CCDC85C: variants seen among roughly 807,000 people sequenced by gnomAD.
CCDC85C encodes coiled-coil domain-containing protein 85C.
In CCDC85C, 18 loss-of-function variants were observed where a neutral mutation model predicts 38.3. The ratio of observed to expected loss-of-function variants is 0.47; its 90% CI spans 0.33 to 0.70. The LOEUF is 0.70. Ranked by LOEUF, CCDC85C falls within the 30% of genes least tolerant of loss-of-function variation. The pLI is 0.03. For synonymous variants in CCDC85C, 264 were observed against 293.8 expected (o/e 0.90, Z 1.04); for missense variants, 566 against 621.2 (o/e 0.91, Z 0.94).
At chr14:99,571,493 G>A (rs962681552) in intron 1 of CCDC85C, among the ~76,000 whole-genome samples, 11 of 152,224 alleles carry the variant, frequency 7.2e-5, no homozygotes, top group East Asian at 1.9e-4. Flanking sequence ...AGGCTGAGAC[G>A]CAGACCAAAG....
Position 99,603,365 on chromosome 14 carries a change from C to T in CCDC85C, c.595G>A (p.Ala199Thr). Residue 199 changes from alanine (A) to threonine (T), a missense_variant, in exon 1 of 6, where the codon GCC (alanine) becomes ACC (threonine). By Grantham distance (58) the Ala-to-Thr change is moderately conservative (BLOSUM62 0). Transcript: ENST00000380243. The surrounding 1 kb of genome is among the most constrained non-coding windows in gnomAD (Gnocchi z 7.5). The part of the protein sequence containing the change: ...PLSGGAPGAG[A>T]RDVGDGSSTS... ...CTGCTGCCGTCGCCCACGTCGCGGG[C>T]CCCCGCGCCGGGCGCGCCACCCGAC... is the stretch of plus-strand genomic sequence containing the variant. The T allele has an allele frequency of 1.6e-6, 2 of 1,260,950 alleles. No individual in the cohort carries two copies. The highest frequency in any genetic ancestry group is 3.2e-5 in the East Asian group (1 of 30,984). 78.1% of individuals were successfully genotyped at this position (1,260,950 alleles called of 1,614,324 possible).
intron 1 of CCDC85C, among the ~76,000 whole-genome samples, chr14:99,600,745 C>A (rs2055189916): frequency 6.6e-6 from 1 of 152,246 alleles, no homozygotes; most frequent in African/African-American, 2.4e-5. Context: ...AAAGACCAAA[C>A]ACATAAGGCG....
chr14:99,525,576 TTA>T (rs1310496509), intron 2 of CCDC85C, among the ~76,000 whole-genome samples: 1 of 152,240 alleles, frequency 6.6e-6, no homozygotes, highest in Non-Finnish European at 1.5e-5. Flanking sequence ...GCTGCATCGG[TTA>T]TGTGTCCGAG....
chr14:99,557,438 G>A (rs906089555), intron 1 of CCDC85C, among the ~76,000 whole-genome samples: 1 of 152,196 alleles, frequency 6.6e-6, no homozygotes, highest in Non-Finnish European at 1.5e-5. Context: ...CTGGACAGGT[G>A]AGCTCACCCA....
chr14:99,545,067 C>A lies in CCDC85C; in HGVS notation c.794-8979G>T, dbSNP rs896248003. On this transcript the variant is annotated intron_variant, in intron 1 of 5. Transcript: ENST00000380243. The surrounding 1 kb of genome is among the most constrained non-coding windows in gnomAD (Gnocchi z 4.7). ...AGTAGCTAGAGAAGAGGAAAACGAA[C>A]GGCTGCCCTAATGAGAATGAAATCT... Among the ~76,000 whole-genome samples, 2 of 152,216 alleles carry A rather than the reference C, an allele frequency of 1.3e-5. No homozygotes were observed. Among genetic ancestry groups the A allele is most frequent in the Non-Finnish European group, 2.9e-5 (2 of 68,038 alleles).
chr14:99,528,097 G>A (rs1897422694), intron 2 of CCDC85C, among the ~76,000 whole-genome samples: 1 of 152,174 alleles, frequency 6.6e-6, no homozygotes, highest in Non-Finnish European at 1.5e-5. Context: ...GTGCTCCCAG[G>A]AAAGAACGGG....
At position 99,503,479 on chromosome 14, in the gene CCDC85C, C is replaced by A; in HGVS notation, c.*11767G>T. 4.2e-6 allele frequency: 3 copies of A among 710,622 alleles called. No individual in the cohort carries two copies. Among genetic ancestry groups the A allele is most frequent in the South Asian group, 3.6e-5 (2 of 55,906 alleles). 44.0% of individuals were successfully genotyped at this position (710,622 alleles called of 1,614,324 possible). A position where few individuals can be genotyped will look rare whatever the true frequency, so the allele number is the denominator to read the frequency against. ...CCGTGGTTTGCCCTGAAAGTTCAGG[C>A]TAGAAATAATTTTTGTCCGAGGCTG... On this transcript the variant is annotated 3_prime_UTR_variant, in exon 6 of 6. Coordinates refer to ENST00000380243, the MANE Select transcript of CCDC85C (RefSeq NM_001144995.2).
At position 99,513,401 on chromosome 14, in the gene CCDC85C, A is replaced by T. The variant is rs1370995903; in HGVS notation, c.*1845T>A. 2 of 151,982 alleles carry T rather than the reference A, an allele frequency of 1.3e-5. No individual in the cohort carries two copies. Among genetic ancestry groups the T allele is most frequent in the Admixed American group, 1.3e-4 (2 of 15,264 alleles). The allele number at this position is 151,982 out of a possible 1,614,324, so 9.4% of individuals were successfully genotyped here. On this transcript the variant is annotated 3_prime_UTR_variant, in exon 6 of 6. Transcript: ENST00000380243. ...GGTGTTCACCCAACTTCACGTGTAC[A>T]CCCCTAGTGACCGGGAGCGCACCAC...
intron 1 of CCDC85C, among the ~76,000 whole-genome samples, chr14:99,602,591 C>A (rs181378834): frequency 5.3e-5 from 8 of 152,266 alleles, no homozygotes; most frequent in Admixed American, 4.6e-4. Context: ...ACTAGAAGGG[C>A]GGAATTTATG....
At position 99,569,404 on chromosome 14, in the gene CCDC85C, C is replaced by T. The variant is rs1898288399; in HGVS notation, c.794-33316G>A. ...GTATTCCAAAGGGTTCCCTGGATGTCCACACCTGGGCCCCAGCTCCGCCAG... is the reference window on the plus strand; with the variant it reads ...GTATTCCAAAGGGTTCCCTGGATGTTCACACCTGGGCCCCAGCTCCGCCAG... On this transcript the variant is annotated intron_variant, in intron 1 of 5. Coordinates refer to ENST00000380243, the MANE Select transcript of CCDC85C (RefSeq NM_001144995.2). The surrounding 1 kb of genome is among the most constrained non-coding windows in gnomAD (Gnocchi z 4.3). Among the ~76,000 whole-genome samples the T allele has an allele frequency of 6.6e-6, 1 of 152,198 alleles. No homozygotes were observed. Among genetic ancestry groups the T allele is most frequent in the African/African-American group, 2.4e-5 (1 of 41,452 alleles).
At chr14:99,586,883 G>C (rs1373266020) in intron 1 of CCDC85C, among the ~76,000 whole-genome samples, 6 of 152,174 alleles carry the variant, frequency 3.9e-5, no homozygotes, top group African/African-American at 1.4e-4. Flanking sequence ...AATCCCACCA[G>C]GCGGCCTCAG....
chr14:99,525,812 G>A (rs774646509), intron 2 of CCDC85C, among the ~76,000 whole-genome samples: 6 of 152,206 alleles, frequency 3.9e-5, no homozygotes, highest in African/African-American at 4.8e-5. Context: ...AGGAGTCCTC[G>A]TGGAGGGGCC....
In CCDC85C at chr14:99,530,888, A is replaced by C. The variant is rs918713299; in HGVS notation, c.867+5127T>G. 2.3e-4 allele frequency among the ~76,000 whole-genome samples: 35 copies of C among 152,260 alleles called. 1 individual carries two copies. The highest frequency in any genetic ancestry group is 2.3e-3 in the Admixed American group (35 of 15,292). On this transcript the variant is annotated intron_variant, in intron 2 of 5. Coordinates refer to ENST00000380243, the MANE Select transcript of CCDC85C (RefSeq NM_001144995.2). ...TCTACAAGCTGAGGAGAGAGGCCTC[A>C]GAAGGAGCCAGCCCTGCTGATGCCT...
At position 99,522,187 on chromosome 14, in the gene CCDC85C, G is replaced by C. The variant is rs1897312169; in HGVS notation, c.921C>G (p.His307Gln). ...RTLRKGFSPY[H>Q]SESQLASLPP... The stretch of plus-strand genomic sequence containing the variant: ...GCAGGGACGCAAGCTGGGACTCCGA[G>C]TGGTAGGGCGAGAAGCCTTTCCGCA... Residue 307 changes from histidine (H) to glutamine (Q), a missense_variant, in exon 3 of 6, where the codon CAC becomes CAG. His to Gln is a conservative substitution (Grantham distance 24). Around this residue, in one of 3 missense-constraint regions of CCDC85C, gnomAD observed 286 missense variants for 276.4 expected, o/e 1.03. Transcript: ENST00000380243. 1.9e-6 allele frequency: 3 copies of C among 1,550,950 alleles called. No homozygotes were observed. In the East Asian group the frequency reaches 7.3e-5, roughly 38 times the overall value.
At chr14:99,556,546 C>G (rs1397628118) in intron 1 of CCDC85C, among the ~76,000 whole-genome samples, 1 of 152,154 alleles carries the variant, frequency 6.6e-6, no homozygotes, top group Non-Finnish European at 1.5e-5. Context: ...GCGACAGTAT[C>G]TCACTGTTGC....
At position 99,569,010 on chromosome 14, in the gene CCDC85C, G is replaced by A. The variant is rs1418972415; in HGVS notation, c.794-32922C>T. Among the ~76,000 whole-genome samples, 10 of 152,152 alleles carry A rather than the reference G, an allele frequency of 6.6e-5. No homozygotes were observed. ...GCGCCTGGCACAGCCCCAGGTCCAT[G>A]GGCTAGCTGAGGGTTCCTGGGGACC... On this transcript the variant is annotated intron_variant, in intron 1 of 5. Transcript: ENST00000380243. This position sits in a 1 kb window ranked among gnomAD's most constrained non-coding sequence, Gnocchi z 4.3.
intron 3 of CCDC85C, 139 bp from the exon 4 acceptor site, chr14:99,517,322 A>G: frequency 1.5e-6 from 1 of 671,248 alleles, no homozygotes; most frequent in Non-Finnish European, 2.5e-6. Context: ...CAGAGGAGGC[A>G]GGTGTGAGGA....
At chr14:99,524,225 C>CA (rs1290402492) in intron 2 of CCDC85C, among the ~76,000 whole-genome samples, 1 of 152,092 alleles carries the variant, frequency 6.6e-6, no homozygotes, top group Non-Finnish European at 1.5e-5. Context: ...TGCACATACA[C>CA]ACAGTCTGAC....
At position 99,548,721 on chromosome 14, in the gene CCDC85C, C is replaced by T. The variant is rs1244731456; in HGVS notation, c.794-12633G>A. On this transcript the variant is annotated intron_variant, in intron 1 of 5. Coordinates refer to ENST00000380243, the MANE Select transcript of CCDC85C (RefSeq NM_001144995.2). This position sits in a 1 kb window ranked among gnomAD's most constrained non-coding sequence, Gnocchi z 4.9. ...CTATAGTCCCAGGTACTCGGGAGACCGAGGCGGGAGGCGTGCTGGAGCTCA... is the reference window on the plus strand; with the variant it reads ...CTATAGTCCCAGGTACTCGGGAGACTGAGGCGGGAGGCGTGCTGGAGCTCA... Among the ~76,000 whole-genome samples, 2 of 152,048 alleles carry T rather than the reference C, an allele frequency of 1.3e-5. No homozygotes were observed. Among genetic ancestry groups the T allele is most frequent in the East Asian group, 1.9e-4 (1 of 5,192 alleles).
Sources: gnomAD v4.1 joint callset for allele counts (sites outside exome capture counted in the v4.1 genomes callset) on GRCh38, gnomAD v4.1.1 for gene constraint, gnomAD v4.1.1 regional missense constraint, Gnocchi (gnomAD v3.1) non-coding constraint, MANE v1.5 for transcripts, NCBI Gene and HGNC (gene_info 2026-07-23, HGNC 2026-07-21) for gene names.